Variants in SGCZ observed in about 807,000 individuals in gnomAD.
SGCZ encodes the protein zeta-sarcoglycan.
A neutral mutation model predicts 41.3 loss-of-function variants in SGCZ; 40 were observed. The ratio of observed to expected loss-of-function variants is 0.97; its 90% CI spans 0.75 to 1.26. The LOEUF (loss-of-function observed/expected upper bound fraction) is 1.26, where lower values mean the gene tolerates loss of function less well. Among genes scored for constraint, SGCZ ranks in the 50% most tolerant of loss-of-function variants. SGCZ has a pLI of 0.00. For missense variants in SGCZ, 552 were observed against 369.8 expected, an observed-to-expected ratio of 1.49 and a Z score of -4.04; for synonymous variants, 206 against 137.5, an observed-to-expected ratio of 1.50 and a Z score of -3.49.
intron 4 of SGCZ, among the ~76,000 whole-genome samples, chr8:14,177,614 A>G (rs2117014049): frequency 6.6e-6 from 1 of 150,822 alleles, no homozygotes; most frequent in Admixed American, 6.6e-5. Flanking sequence ...GGTTCATGCC[A>G]TTCTCCTGCC....
intron 2 of SGCZ, among the ~76,000 whole-genome samples, chr8:14,440,489 C>T (rs1585516164): frequency 6.6e-6 from 1 of 151,826 alleles, no homozygotes; most frequent in Non-Finnish European, 1.5e-5. Context: ...GTGTGTTTAC[C>T]ACAACAATTT....
chr8:14,349,070 C>A (rs1802996235), intron 2 of SGCZ, among the ~76,000 whole-genome samples: 1 of 152,026 alleles, frequency 6.6e-6, no homozygotes, highest in Non-Finnish European at 1.5e-5. Context: ...TCCTTAGAGA[C>A]AACATTGTAA....
At chr8:15,217,483 T>G (rs1219929416) in intron 1 of SGCZ, among the ~76,000 whole-genome samples, 1 of 149,716 alleles carries the variant, frequency 6.7e-6, no homozygotes. Flanking sequence ...GAAATTTCAG[T>G]GATCGTTTTG....
chr8:14,161,223 G>A (rs1486905049), intron 5 of SGCZ: 2 of 152,128 alleles, frequency 1.3e-5, no homozygotes, highest in African/African-American at 2.4e-5. Context: ...GCTATGCTAC[G>A]CACATTTTTT....
At chr8:14,245,173 G>C (rs1330999323) in intron 3 of SGCZ, among the ~76,000 whole-genome samples, 2 of 152,132 alleles carry the variant, frequency 1.3e-5, no homozygotes, top group African/African-American at 4.8e-5. Flanking sequence ...TCTTGTGGCA[G>C]TTTTCAAAGG....
At position 14,089,406 on chromosome 8, in the gene SGCZ, C is replaced by A. The variant is rs556455258; in HGVS notation, c.*1037G>T. On this transcript the variant is annotated 3_prime_UTR_variant, in exon 8 of 8. Coordinates refer to ENST00000382080, the MANE Select transcript of SGCZ (RefSeq NM_139167.4). ...AATAAAAAATAGATGGAGAATAATT[C>A]TGAAGATGATACCCCAATGGAAAGA... Among the ~76,000 whole-genome samples, 3 of 151,964 alleles carry A rather than the reference C, an allele frequency of 2.0e-5. No individual in the cohort carries two copies. Among genetic ancestry groups the A allele is most frequent in the Admixed American group, 2.0e-4 (3 of 15,220 alleles).
chr8:14,249,050 T>C (rs987940354), intron 3 of SGCZ, among the ~76,000 whole-genome samples: 1 of 152,186 alleles, frequency 6.6e-6, no homozygotes, highest in Non-Finnish European at 1.5e-5. Context: ...TGTCCAAATA[T>C]TTGGTGAAAC....
chr8:14,598,790 A>G (rs758300857), intron 1 of SGCZ, among the ~76,000 whole-genome samples: 1 of 152,076 alleles, frequency 6.6e-6, no homozygotes, highest in Non-Finnish European at 1.5e-5. Flanking sequence ...TGGCCTCCCA[A>G]CATGCTGAGA....
chr8:14,208,022 C>A (rs1477991446), intron 4 of SGCZ, among the ~76,000 whole-genome samples: 1 of 152,088 alleles, frequency 6.6e-6, no homozygotes, highest in Non-Finnish European at 1.5e-5. Context: ...AATGTTTCTT[C>A]CCTACAAACA....
chr8:14,284,201 G>A (rs934677590), intron 3 of SGCZ, among the ~76,000 whole-genome samples: 2 of 152,186 alleles, frequency 1.3e-5, no homozygotes, highest in African/African-American at 4.8e-5. Flanking sequence ...GACCAGCCTA[G>A]GTAATATAGT....
chr8:14,921,193 G>C (rs924357213), intron 1 of SGCZ, among the ~76,000 whole-genome samples: 3 of 152,106 alleles, frequency 2.0e-5, no homozygotes, highest in Non-Finnish European at 4.4e-5. Context: ...CCTTAAGAAA[G>C]CTTCCCAAGA....
chr8:14,987,101 GA>G (rs1448293001), intron 1 of SGCZ, among the ~76,000 whole-genome samples: 8 of 151,732 alleles, frequency 5.3e-5, no homozygotes, highest in African/African-American at 1.9e-4. Context: ...GTATAGCAAA[GA>G]AGAAACATTA....
intron 1 of SGCZ, among the ~76,000 whole-genome samples, chr8:14,951,846 T>A (rs1459446806): frequency 6.6e-6 from 1 of 152,076 alleles, no homozygotes; most frequent in Non-Finnish European, 1.5e-5. Flanking sequence ...AAAATTAACC[T>A]TTTTTATATT....
At chr8:15,119,364 T>C (rs1807392608) in intron 1 of SGCZ, among the ~76,000 whole-genome samples, 1 of 151,842 alleles carries the variant, frequency 6.6e-6, no homozygotes, top group African/African-American at 2.4e-5. Context: ...AACCTGTCTC[T>C]ACAGAAAATA....
At position 14,553,838 on chromosome 8, in the gene SGCZ, T is replaced by C. The variant is rs893483969; in HGVS notation, c.234+894A>G. 2.6e-5 allele frequency among the ~76,000 whole-genome samples: 4 copies of C among 152,086 alleles called. No homozygotes were observed. The South Asian group carries it at 8.3e-4, about 31-fold the overall frequency. On this transcript the variant is annotated intron_variant, in intron 2 of 7. Coordinates refer to ENST00000382080, the MANE Select transcript of SGCZ (RefSeq NM_139167.4). ...ATCAGTGAAGTTAAACAGCCAGCTTTAGACTCACTCCTGAGGATGCAGAGT... is the reference window on the plus strand; with the variant it reads ...ATCAGTGAAGTTAAACAGCCAGCTTCAGACTCACTCCTGAGGATGCAGAGT...
chr8:15,213,071 T>C (rs200050555), intron 1 of SGCZ, among the ~76,000 whole-genome samples: 1 of 152,036 alleles, frequency 6.6e-6, no homozygotes, highest in Non-Finnish European at 1.5e-5. Flanking sequence ...ATTTTCACTC[T>C]TGAGGGGCGA....
intron 2 of SGCZ, among the ~76,000 whole-genome samples, chr8:14,410,371 AAAGT>A (rs1291902607): frequency 6.7e-6 from 1 of 150,094 alleles, no homozygotes; most frequent in Non-Finnish European, 1.5e-5. Context: ...CCAAAAGGTA[AAAGT>A]AACTTACTTT....
intron 1 of SGCZ, among the ~76,000 whole-genome samples, chr8:15,040,287 T>TA (rs1391735867): frequency 1.3e-5 from 2 of 152,192 alleles, no homozygotes; most frequent in African/African-American, 4.8e-5. Context: ...ACATGACTGA[T>TA]ACATTAGTCT....
intron 2 of SGCZ, among the ~76,000 whole-genome samples, chr8:14,362,808 T>C (rs1304822822): frequency 6.6e-6 from 1 of 151,246 alleles, no homozygotes; most frequent in African/African-American, 2.4e-5. Context: ...CCGGAGCTGT[T>C]CCTATTTGGC....
Sources: allele counts gnomAD v4.1 joint callset (sites outside exome capture counted in the v4.1 genomes callset), GRCh38; gene constraint gnomAD v4.1.1; transcripts MANE v1.5; gene names NCBI Gene and HGNC (gene_info 2026-07-23, HGNC 2026-07-21).